The following DEPDC5 variants were observed in gnomAD, a reference collection of about 807,000 sequenced individuals.
DEPDC5 encodes the protein GATOR1 complex protein DEPDC5.
Under a neutral mutation model 217.3 loss-of-function variants are expected in DEPDC5, and 73 were observed. That is an observed-to-expected ratio of 0.34 (90% CI 0.28 to 0.41). The LOEUF (loss-of-function observed/expected upper bound fraction) is 0.41. Among genes scored for constraint, DEPDC5 ranks in the 10% least tolerant of loss-of-function variants. The pLI, the probability that DEPDC5 is intolerant of heterozygous loss-of-function variation, is 1.00. For synonymous variants in DEPDC5, 733 were observed against 756.7 expected, an observed-to-expected ratio of 0.97 and a Z score of 0.51; for missense variants, 1,675 against 2,070.1, an observed-to-expected ratio of 0.81 and a Z score of 3.70.
intron 38 of DEPDC5, among the ~76,000 whole-genome samples, chr22:31,889,537 ACTT>A (rs1490514266): frequency 5.6e-5 from 8 of 143,422 alleles, no homozygotes; most frequent in Admixed American, 3.5e-4. Context: ...AGAGGGCAAA[ACTT>A]CTTTTTTTTT....
At chr22:31,902,436 A>ATC (rs61211131) in intron 41 of DEPDC5, among the ~76,000 whole-genome samples, 1 of 117,612 alleles carries the variant, frequency 8.5e-6, no homozygotes, top group African/African-American at 2.8e-5. Context: ...ATATATATAT[A>ATC]CTTATATATA....
At chr22:31,857,299 G>A (rs1319215405) in intron 31 of DEPDC5, 146 bp from the exon 32 acceptor site, 2 of 628,638 alleles carry the variant, frequency 3.2e-6, no homozygotes, top group Non-Finnish European at 5.6e-6. Flanking sequence ...GAAATTAAGG[G>A]TATCATGAAG....
rs541024038 is a variant in DEPDC5 at position 31,843,106 on chromosome 22, C to T, written c.2527C>T (p.Arg843Ter). ...SPLYSRGLVS[R>*]NRPEEEDQYW... Reference sequence around the variant, plus strand: ...TATTTTTCTGTTAGGCCTTGTGTCCCGAAACCGCCCTGAGGAGGAGGACCA... The same window carrying T: ...TATTTTTCTGTTAGGCCTTGTGTCCTGAAACCGCCCTGAGGAGGAGGACCA... Residue 843 changes from arginine to a stop codon, truncating the protein, a stop_gained, in exon 28 of 43, where the codon CGA becomes TGA. Coordinates refer to ENST00000651528, the MANE Select transcript of DEPDC5 (RefSeq NM_001242896.3). LOFTEE classifies it high-confidence loss of function. 3.1e-6 allele frequency: 5 copies of T among 1,612,712 alleles called. No individual in the cohort carries two copies. Among genetic ancestry groups the T allele is most frequent in the South Asian group, 1.1e-5 (1 of 90,734 alleles).
At chr22:31,776,910 G>C (rs999897219) in intron 7 of DEPDC5, among the ~76,000 whole-genome samples, 2 of 151,582 alleles carry the variant, frequency 1.3e-5, no homozygotes, top group Admixed American at 1.3e-4. Flanking sequence ...AAAATGCATG[G>C]AGGAAAAAAC....
chr22:31,851,333 C>A (rs1180126662), intron 31 of DEPDC5, among the ~76,000 whole-genome samples: 1 of 152,084 alleles, frequency 6.6e-6, no homozygotes, highest in Non-Finnish European at 1.5e-5. Context: ...AGTGTGGTGT[C>A]ATGGGAGGTG....
chr22:31,892,851 AG>A (rs2093467659), intron 38 of DEPDC5, among the ~76,000 whole-genome samples: 1 of 148,008 alleles, frequency 6.8e-6, no homozygotes, highest in Non-Finnish European at 1.5e-5. Flanking sequence ...TTTACATTTT[AG>A]GGTTCACTCT....
chr22:31,791,105 A>G (rs917944235), intron 10 of DEPDC5, among the ~76,000 whole-genome samples: 1 of 152,132 alleles, frequency 6.6e-6, no homozygotes, highest in Admixed American at 6.6e-5. Flanking sequence ...GCGTGTCTGT[A>G]GTCCAGCTAC....
At chr22:31,842,575 C>CAAAAAAAAAAAAAAAAAAAAAA (rs56671305) in intron 27 of DEPDC5, among the ~76,000 whole-genome samples, 1 of 73,508 alleles carries the variant, frequency 1.4e-5, no homozygotes, top group Non-Finnish European at 2.8e-5. Flanking sequence ...AACTCCATCT[C>CAAAAAAAAAAAAAAAAAAAAAA]AAAAAAAAAA....
rs372204274 is a variant in DEPDC5 at position 31,906,626 on chromosome 22, TTTTG to T, written c.*157_*160del. 2.9e-3 allele frequency: 3,419 copies of T among 1,196,856 alleles called. 39 individuals carry two copies. The highest frequency in any genetic ancestry group is 0.02 in the African/African-American group (1,291 of 65,778). 74.1% of individuals were successfully genotyped at this position (1,196,856 alleles called of 1,614,324 possible). A position where few individuals can be genotyped will look rare whatever the true frequency, so the allele number is the denominator to read the frequency against. On this transcript the variant is annotated 3_prime_UTR_variant, in exon 43 of 43. Coordinates refer to ENST00000651528, the MANE Select transcript of DEPDC5 (RefSeq NM_001242896.3). This position sits in a 1 kb window ranked among gnomAD's most constrained non-coding sequence, Gnocchi z 5.1. ...CTATCAGTGAGTGGGGGCCATTGTT[TTTTG>T]TTTGTTTGTTTGTTTGTTTGTTTGT...
chr22:31,781,817 T>C (rs1417212238), intron 8 of DEPDC5, among the ~76,000 whole-genome samples: 2 of 152,132 alleles, frequency 1.3e-5, no homozygotes, highest in Non-Finnish European at 2.9e-5. Context: ...GGGGGATTGC[T>C]TGAGCCCAGG....
At chr22:31,868,687 A>G (rs1451847434) in intron 33 of DEPDC5, among the ~76,000 whole-genome samples, 1 of 152,194 alleles carries the variant, frequency 6.6e-6, no homozygotes, top group Non-Finnish European at 1.5e-5. Context: ...TTCGCCTCCC[A>G]AAGTGCCAAG....
chr22:31,877,474 G>A (rs1358291519), intron 37 of DEPDC5, among the ~76,000 whole-genome samples: 16 of 129,532 alleles, frequency 1.2e-4, no homozygotes, highest in Admixed American at 2.5e-4. Context: ...AAAACAGGCC[G>A]GGCACAGTGG....
intron 7 of DEPDC5, among the ~76,000 whole-genome samples, chr22:31,770,392 T>G (rs1267634640): frequency 6.6e-6 from 1 of 151,808 alleles, no homozygotes; most frequent in African/African-American, 2.4e-5. Context: ...TTTGTTTTTT[T>G]TTTTCTGAGA....
intron 18 of DEPDC5, among the ~76,000 whole-genome samples, chr22:31,807,215 A>T (rs2087653075): frequency 6.6e-6 from 1 of 152,324 alleles, no homozygotes; most frequent in East Asian, 1.9e-4. Context: ...GCAAATGTTT[A>T]TGCTATTTGA....
rs768737581 is a variant in DEPDC5, at chr22:31,833,957, G to C, written c.2147G>C (p.Ser716Thr). The change falls in exon 25 of 43, where the codon AGT becomes ACT. Residue 716 changes from serine (S) to threonine (T), a missense_variant. This residue lies in a region of DEPDC5 where 136 missense variants were observed against 132.2 expected (regional missense o/e 1.03). Transcript: ENST00000651528. ...RTQNKDSLED[S>T]VSTSPDPILT... Reference sequence around the variant, plus strand: ...CAGAATAAGGATTCTCTAGAGGACAGTGTTTCTACCTCTCCAGACCCAAGT... The same window carrying C: ...CAGAATAAGGATTCTCTAGAGGACACTGTTTCTACCTCTCCAGACCCAAGT... The C allele has an allele frequency of 6.2e-7, 1 of 1,613,340 alleles. No individual in the cohort carries two copies. Among genetic ancestry groups the C allele is most frequent in the Non-Finnish European group, 8.5e-7 (1 of 1,179,532 alleles).
At chr22:31,810,422 A>G in intron 19 of DEPDC5, 99 bp from the exon 20 acceptor site, 1 of 1,555,278 alleles carries the variant, frequency 6.4e-7, no homozygotes, top group South Asian at 1.2e-5. Context: ...TCTGTTTGAA[A>G]TGTATTTGGA....
chr22:31,778,060 A>G (rs904619214), intron 7 of DEPDC5, 39 bp from the exon 8 acceptor site: 13 of 1,610,312 alleles, frequency 8.1e-6, no homozygotes, highest in Non-Finnish European at 1.1e-5. Flanking sequence ...TATTGGTTTC[A>G]TGTAAGACTT....
At chr22:31,835,083 A>G (rs1602278792) in intron 25 of DEPDC5, among the ~76,000 whole-genome samples, 3 of 152,184 alleles carry the variant, frequency 2.0e-5, no homozygotes, top group African/African-American at 7.2e-5. Context: ...ACTTGAGCCC[A>G]GGAGTTTGAG....
chr22:31,764,793 C>T (rs772576573), intron 4 of DEPDC5, among the ~76,000 whole-genome samples, 182 bp from the exon 5 acceptor site: 2 of 152,088 alleles, frequency 1.3e-5, no homozygotes, highest in Non-Finnish European at 2.9e-5. Context: ...AGGCTCTGGT[C>T]TTATTTCACC....
Sources: allele counts gnomAD v4.1 joint callset (sites outside exome capture counted in the v4.1 genomes callset), GRCh38; gene constraint gnomAD v4.1.1; regional missense constraint gnomAD v4.1.1; non-coding constraint Gnocchi (gnomAD v3.1); transcripts MANE v1.5; gene names NCBI Gene and HGNC (gene_info 2026-07-23, HGNC 2026-07-21).